The following PLEKHA1 variants were observed in gnomAD, a reference collection of about 807,000 sequenced individuals.
PLEKHA1 encodes pleckstrin homology domain containing A1, also known as pleckstrin homology domain-containing family A member 1.
Under a neutral mutation model 52.0 loss-of-function variants are expected in PLEKHA1, and 34 were observed. The observed-to-expected ratio is 0.65, with a 90% CI of 0.50 to 0.87. PLEKHA1 has a LOEUF of 0.87. Ranked by LOEUF, PLEKHA1 falls within the 40% of genes least tolerant of loss-of-function variation. The pLI, the probability that PLEKHA1 is intolerant of heterozygous loss-of-function variation, is 0.00. For synonymous variants in PLEKHA1, 163 were observed against 170.7 expected, an observed-to-expected ratio of 0.95 and a Z score of 0.35; for missense variants, 497 against 504.2, an observed-to-expected ratio of 0.99 and a Z score of 0.14.
chr10:122,424,756 T>C, intron 9 of PLEKHA1, 140 bp from the exon 10 acceptor site: 2 of 524,350 alleles, frequency 3.8e-6, no homozygotes, highest in Non-Finnish European at 6.4e-6. Context: ...TTAAAATAAA[T>C]GGGAAAAGAT....
chr10:122,380,948 T>A (rs572805044), intron 1 of PLEKHA1, among the ~76,000 whole-genome samples: 12 of 152,274 alleles, frequency 7.9e-5, no homozygotes, highest in Admixed American at 2.6e-4. Context: ...CTCCTCCAGT[T>A]TGACTCCTGG....
chr10:122,384,194 A>C (rs2096655573), intron 1 of PLEKHA1, among the ~76,000 whole-genome samples: 2 of 152,028 alleles, frequency 1.3e-5, no homozygotes, highest in Admixed American at 1.3e-4. Context: ...ATTTCCCTTA[A>C]CATTTTTTGC....
intron 5 of PLEKHA1, among the ~76,000 whole-genome samples, chr10:122,408,913 CTAATT>C (rs2097063613): frequency 6.6e-6 from 1 of 152,086 alleles, no homozygotes; most frequent in Admixed American, 6.6e-5. Context: ...TTGGTCAACT[CTAATT>C]TAGTGGTCTG....
At chr10:122,404,179 A>G (rs1462338468) in intron 4 of PLEKHA1, among the ~76,000 whole-genome samples, 1 of 152,188 alleles carries the variant, frequency 6.6e-6, no homozygotes, top group Non-Finnish European at 1.5e-5. Context: ...AATAATGTTT[A>G]AAAGATGATA....
At chr10:122,418,387 CT>C (rs763833554) in intron 8 of PLEKHA1, 2 of 155,848 alleles carry the variant, frequency 1.3e-5, no homozygotes, top group African/African-American at 2.4e-5. Flanking sequence ...GAAGCCAAGT[CT>C]TTTCAGAGAA....
chr10:122,428,015 AT>A (rs1196143546), intron 11 of PLEKHA1, among the ~76,000 whole-genome samples: 6 of 152,290 alleles, frequency 3.9e-5, no homozygotes, highest in African/African-American at 1.4e-4. Flanking sequence ...CCTTTTTGAA[AT>A]ATCTAAGAAG....
chr10:122,440,930 C>T, the PLEKHA1 span: 6 of 152,248 alleles, frequency 3.9e-5, no homozygotes, highest in South Asian at 1.2e-3. Flanking sequence ...TTTGGTTTTA[C>T]GTTTAATTTT....
At chr10:122,395,781 GT>G in intron 2 of PLEKHA1, among the ~76,000 whole-genome samples, 1 of 152,132 alleles carries the variant, frequency 6.6e-6, no homozygotes, top group South Asian at 2.1e-4. Context: ...TCTTTCTAGT[GT>G]TTATTAGGGA....
chr10:122,430,161 TATC>T lies in PLEKHA1; in HGVS notation c.*227_*229del. ...AAAGGAAAAATCCAAAATATCTCAG[TATC>T]ATCTGTCTGAAGCATTGTGTGTTCT... On this transcript the variant is annotated 3_prime_UTR_variant, in exon 12 of 12. Transcript: ENST00000368990. 1 of 484,340 alleles carries T rather than the reference TATC, an allele frequency of 2.1e-6. No individual in the cohort carries two copies. Among genetic ancestry groups the T allele is most frequent in the Non-Finnish European group, 3.6e-6 (1 of 280,852 alleles). The allele number at this position is 484,340 out of a possible 1,614,324, so 30.0% of individuals were successfully genotyped here. A position where few individuals can be genotyped will look rare whatever the true frequency, so the allele number is the denominator to read the frequency against.
intron 5 of PLEKHA1, among the ~76,000 whole-genome samples, chr10:122,411,435 G>A (rs1303132152): frequency 6.6e-6 from 1 of 152,176 alleles, no homozygotes; most frequent in East Asian, 1.9e-4. Context: ...GCAGAAAGCT[G>A]CTTTGCAAAT....
At chr10:122,395,997 A>G (rs1284721201) in intron 2 of PLEKHA1, among the ~76,000 whole-genome samples, 1 of 152,130 alleles carries the variant, frequency 6.6e-6, no homozygotes, top group African/African-American at 2.4e-5. Context: ...TTCATTGTCA[A>G]GTAACAAATT....
At chr10:122,426,816 G>C in intron 10 of PLEKHA1, 126 bp from the exon 11 acceptor site, 1 of 851,670 alleles carries the variant, frequency 1.2e-6, no homozygotes. Flanking sequence ...AAATTTTTTG[G>C]AAACAGTTGC....
intron 11 of PLEKHA1, chr10:122,428,432 C>G (rs1213361315): frequency 7.0e-7 from 1 of 1,434,940 alleles, no homozygotes; most frequent in African/African-American, 1.4e-5. Flanking sequence ...TTGAGTTAAC[C>G]AAACTGCCTT....
chr10:122,440,095 T>C, the PLEKHA1 span: 1 of 152,182 alleles, frequency 6.6e-6, no homozygotes, highest in East Asian at 1.9e-4. Flanking sequence ...ATCTTCTGAT[T>C]TTTACCTGGA....
At chr10:122,400,250 G>A in intron 3 of PLEKHA1, 93 bp from the exon 4 acceptor site, 1 of 909,024 alleles carries the variant, frequency 1.1e-6, no homozygotes, top group South Asian at 2.3e-5. Flanking sequence ...ATGATTATTG[G>A]GGAATCATAC....
chr10:122,391,147 T>C (rs1003404981), intron 1 of PLEKHA1, among the ~76,000 whole-genome samples: 6 of 152,018 alleles, frequency 3.9e-5, no homozygotes, highest in Non-Finnish European at 1.5e-5. Context: ...ACTAAAGTTT[T>C]TGAGTTCTGA....
intron 1 of PLEKHA1, among the ~76,000 whole-genome samples, chr10:122,377,142 A>G (rs1382335535): frequency 2.0e-5 from 3 of 152,206 alleles, no homozygotes; most frequent in South Asian, 2.1e-4. Flanking sequence ...TGACATTGAC[A>G]TATTGCTTGA....
At chr10:122,379,321 CACTT>C (rs1377580471) in intron 1 of PLEKHA1, among the ~76,000 whole-genome samples, 1 of 152,214 alleles carries the variant, frequency 6.6e-6, no homozygotes, top group Non-Finnish European at 1.5e-5. Flanking sequence ...ACTGGAAACT[CACTT>C]CCTTGTGATG....
the PLEKHA1 span, chr10:122,439,753 G>A: frequency 6.6e-6 from 1 of 151,760 alleles, no homozygotes. Context: ...AAAAAAAAAA[G>A]TTGGTATTCT....
Sources: gnomAD v4.1 joint callset for allele counts (sites outside exome capture counted in the v4.1 genomes callset) on GRCh38, gnomAD v4.1.1 for gene constraint, MANE v1.5 for transcripts, NCBI Gene and HGNC (gene_info 2026-07-23, HGNC 2026-07-21) for gene names.